The following SAMMSON variants were observed in gnomAD, a reference collection of about 807,000 sequenced individuals.
The protein encoded by SAMMSON is survival associated mitochondrial melanoma specific oncogenic non-coding RNA, also known as long intergenic non-protein coding RNA 1212.
intron 7 of SAMMSON, among the ~76,000 whole-genome samples, chr3:70,346,691 A>G (rs1346665534): frequency 6.6e-6 from 1 of 152,174 alleles, no homozygotes; most frequent in East Asian, 1.9e-4. Flanking sequence ...CCAAATCCTC[A>G]TCTTTGATGG....
intron 3 of SAMMSON, chr3:70,070,140 C>T (rs1049115458): frequency 2.6e-4 from 39 of 151,886 alleles, no homozygotes; most frequent in African/African-American, 9.2e-4. Flanking sequence ...CTTAAAAAAT[C>T]TTTTATTTTG....
At chr3:70,264,431 A>G (rs553142489) in intron 6 of SAMMSON, among the ~76,000 whole-genome samples, 1 of 152,334 alleles carries the variant, frequency 6.6e-6, no homozygotes, top group East Asian at 1.9e-4. Context: ...CTAAGAACTG[A>G]ATATCGGCTT....
chr3:70,352,593 G>GTATGGGT, intron 7 of SAMMSON, among the ~76,000 whole-genome samples: 1 of 152,186 alleles, frequency 6.6e-6, no homozygotes, highest in East Asian at 1.9e-4. Context: ...CTAAGCAACA[G>GTATGGGT]TATGGGTAAA....
chr3:70,117,476 A>T (rs2067416222), intron 4 of SAMMSON, among the ~76,000 whole-genome samples: 1 of 152,194 alleles, frequency 6.6e-6, no homozygotes. Flanking sequence ...TAATTTTCAG[A>T]GAAAGAATTT....
intron 4 of SAMMSON, among the ~76,000 whole-genome samples, chr3:70,216,240 A>G (rs1164797935): frequency 6.6e-6 from 1 of 150,392 alleles, no homozygotes; most frequent in African/African-American, 2.4e-5. Context: ...CAATTAGAAT[A>G]TATATCAACA....
At chr3:70,037,951 C>T (rs1021129723) in intron 3 of SAMMSON, among the ~76,000 whole-genome samples, 3 of 152,300 alleles carry the variant, frequency 2.0e-5, no homozygotes, top group Non-Finnish European at 4.4e-5. Flanking sequence ...TAACCTGGCA[C>T]TTCCATACTG....
intron 3 of SAMMSON, chr3:70,015,310 C>A (rs958789314): frequency 7.4e-5 from 11 of 149,068 alleles, no homozygotes; most frequent in Admixed American, 6.7e-4. Flanking sequence ...AACAAACAAA[C>A]AAAAAAAAAC....
intron 9 of SAMMSON, among the ~76,000 whole-genome samples, chr3:70,363,862 T>A (rs960987395): frequency 3.3e-5 from 5 of 151,702 alleles, no homozygotes; most frequent in African/African-American, 1.2e-4. Context: ...TATCTGTTTA[T>A]GACGTTTTCC....
At chr3:70,370,129 C>T (rs545411814) in intron 9 of SAMMSON, among the ~76,000 whole-genome samples, 11 of 151,934 alleles carry the variant, frequency 7.2e-5, no homozygotes, top group Middle Eastern at 3.4e-3. Flanking sequence ...CATGTTGCTG[C>T]GAATGACATG....
intron 3 of SAMMSON, among the ~76,000 whole-genome samples, chr3:70,035,542 A>G (rs1460662526): frequency 1.3e-5 from 2 of 152,144 alleles, no homozygotes; most frequent in African/African-American, 2.4e-5. Context: ...TTATCTAGCA[A>G]TTCAGCAAAT....
At chr3:70,244,589 A>G (rs1006109889) in intron 4 of SAMMSON, among the ~76,000 whole-genome samples, 5 of 152,356 alleles carry the variant, frequency 3.3e-5, no homozygotes, top group Admixed American at 2.6e-4. Flanking sequence ...TGACTGGTGA[A>G]TAAAATGAAA....
At chr3:70,023,780 T>A (rs1385135596) in intron 3 of SAMMSON, among the ~76,000 whole-genome samples, 13 of 152,234 alleles carry the variant, frequency 8.5e-5, no homozygotes, top group Non-Finnish European at 1.8e-4. Flanking sequence ...TCTTTTGTCA[T>A]GTGTATGTAT....
At chr3:70,205,352 A>G (rs1576154429) in intron 4 of SAMMSON, 1 of 152,100 alleles carries the variant, frequency 6.6e-6, no homozygotes, top group East Asian at 1.9e-4. Flanking sequence ...CCTACTTAGT[A>G]TTCATATTAT....
intron 4 of SAMMSON, among the ~76,000 whole-genome samples, chr3:70,106,513 T>C (rs1255229740): frequency 6.6e-6 from 1 of 151,852 alleles, no homozygotes; most frequent in Admixed American, 6.6e-5. Context: ...GCTATTTTTT[T>C]TTTTTTTCTA....
At chr3:70,080,526 T>C (rs1293782751) in intron 4 of SAMMSON, among the ~76,000 whole-genome samples, 2 of 152,188 alleles carry the variant, frequency 1.3e-5, no homozygotes, top group Non-Finnish European at 2.9e-5. Flanking sequence ...CCTTTGTATG[T>C]ACTCTTCTCC....
At chr3:70,150,825 T>C (rs2067568383) in intron 4 of SAMMSON, among the ~76,000 whole-genome samples, 2 of 152,034 alleles carry the variant, frequency 1.3e-5, no homozygotes, top group Admixed American at 6.6e-5. Context: ...CTGGGAAATA[T>C]GGAGGGAAAA....
In SAMMSON at chr3:70,084,496, A is replaced by G. The variant is rs561907797; in HGVS notation, n.507+12931A>G. Among the ~76,000 whole-genome samples, 10 of 152,260 alleles carry G rather than the reference A, an allele frequency of 6.6e-5. No homozygotes were observed. In the South Asian group the frequency reaches 2.1e-3, roughly 32 times the overall value. Reference sequence around the variant, plus strand: ...ATTTTTCTTCCTCATTTCTCAGAGGATATACTGGGGTTGGAGAAGACAATT... The same window carrying G: ...ATTTTTCTTCCTCATTTCTCAGAGGGTATACTGGGGTTGGAGAAGACAATT... On this transcript the variant is annotated intron_variant and non_coding_transcript_variant, in intron 4 of 9. Coordinates refer to ENST00000642114, the Ensembl canonical transcript of SAMMSON.
At chr3:70,207,163 C>G (rs1701299249) in intron 4 of SAMMSON, among the ~76,000 whole-genome samples, 1 of 151,506 alleles carries the variant, frequency 6.6e-6, no homozygotes. Flanking sequence ...GGATAAGGAT[C>G]TTATGTGGTG....
chr3:70,309,237 A>G (rs776579973), intron 7 of SAMMSON, among the ~76,000 whole-genome samples: 6 of 152,178 alleles, frequency 3.9e-5, no homozygotes, highest in Non-Finnish European at 5.9e-5. Context: ...AATTTGAGCA[A>G]GATGTAAAGT....
Sources: allele counts gnomAD v4.1 joint callset (sites outside exome capture counted in the v4.1 genomes callset), GRCh38; gene constraint gnomAD v4.1.1; transcripts MANE v1.5; gene names NCBI Gene and HGNC (gene_info 2026-07-23, HGNC 2026-07-21).